Variants in SNTG1 observed in about 807,000 individuals in gnomAD.
The protein encoded by SNTG1 is syntrophin gamma 1.
Under a neutral mutation model 74.7 loss-of-function variants are expected in SNTG1, and 39 were observed. The observed-to-expected ratio is 0.52, with a 90% CI of 0.40 to 0.68. SNTG1 has a LOEUF of 0.68. Among genes scored for constraint, SNTG1 ranks in the 30% least tolerant of loss-of-function variants. The pLI is 0.00. For synonymous variants in SNTG1, 254 were observed against 217.1 expected (o/e 1.17, Z -1.49); for missense variants, 685 against 609.5 (o/e 1.12, Z -1.30).
intron 4 of SNTG1, among the ~76,000 whole-genome samples, chr8:50,429,060 T>C (rs777038178): frequency 1.3e-5 from 2 of 151,656 alleles, no homozygotes; most frequent in Non-Finnish European, 1.5e-5. Context: ...GTTTATATTA[T>C]CATAATAATC....
At chr8:50,671,007 T>C (rs2131343101) in intron 15 of SNTG1, among the ~76,000 whole-genome samples, 1 of 150,772 alleles carries the variant, frequency 6.6e-6, no homozygotes, top group East Asian at 2.0e-4. Flanking sequence ...AAGCTGAAAC[T>C]GGATCCCTTC....
At chr8:50,409,985 A>G (rs1246963729) in intron 4 of SNTG1, among the ~76,000 whole-genome samples, 1 of 152,188 alleles carries the variant, frequency 6.6e-6, no homozygotes, top group Non-Finnish European at 1.5e-5. Context: ...TTTAAAATCA[A>G]CAGAACAACT....
At chr8:50,481,207 C>G (rs1389870646) in intron 8 of SNTG1, among the ~76,000 whole-genome samples, 1 of 152,104 alleles carries the variant, frequency 6.6e-6, no homozygotes, top group Non-Finnish European at 1.5e-5. Flanking sequence ...ATGGTGAAAT[C>G]CCGTCTCTAT....
chr8:50,378,957 T>TGGCAGGG (rs2092435676), intron 2 of SNTG1, among the ~76,000 whole-genome samples: 4 of 152,074 alleles, frequency 2.6e-5, no homozygotes, highest in African/African-American at 7.2e-5. Flanking sequence ...CCCCCAGCCT[T>TGGCAGGG]CAGGCCCTCC....
intron 12 of SNTG1, among the ~76,000 whole-genome samples, chr8:50,590,678 G>A (rs1445103336): frequency 3.9e-5 from 6 of 152,026 alleles, no homozygotes; most frequent in Admixed American, 2.6e-4. Flanking sequence ...GTTTACATAA[G>A]AAGTGTGGGA....
intron 18 of SNTG1, among the ~76,000 whole-genome samples, chr8:50,786,751 T>C (rs2095676490): frequency 6.6e-6 from 1 of 151,904 alleles, no homozygotes; most frequent in South Asian, 2.1e-4. Flanking sequence ...AAGGAACAGG[T>C]TTTTCAACAA....
intron 2 of SNTG1, among the ~76,000 whole-genome samples, chr8:50,366,605 A>G (rs1563947845): frequency 6.7e-6 from 1 of 149,582 alleles, no homozygotes; most frequent in Admixed American, 6.7e-5. Context: ...ATTCTTCCGT[A>G]CTGGTTTTTA....
intron 15 of SNTG1, among the ~76,000 whole-genome samples, chr8:50,693,725 C>T (rs1280051365): frequency 1.3e-5 from 2 of 152,128 alleles, no homozygotes; most frequent in African/African-American, 2.4e-5. Context: ...AGACAAGTCT[C>T]AGCAAATTTA....
intron 1 of SNTG1, among the ~76,000 whole-genome samples, chr8:49,920,773 G>T (rs1417089576): frequency 1.3e-5 from 2 of 152,072 alleles, no homozygotes; most frequent in African/African-American, 2.4e-5. Context: ...GACCAGAGTT[G>T]ATTCTATTGC....
Position 50,228,011 on chromosome 8 carries a change from A to G in SNTG1, c.-28+55376A>G, listed in dbSNP as rs542110318. ...AAATTAAAATAAGAATCAGATTATG[A>G]CACAGATTTTGATATTATCAAATGG... is the stretch of plus-strand genomic sequence containing the variant. On this transcript the variant is annotated intron_variant, in intron 2 of 18. Coordinates refer to ENST00000642720, the MANE Select transcript of SNTG1 (RefSeq NM_018967.5). 6.6e-5 allele frequency among the ~76,000 whole-genome samples: 10 copies of G among 151,708 alleles called. No homozygotes were observed. In the South Asian group the frequency reaches 2.1e-3, roughly 31 times the overall value.
In SNTG1 at chr8:50,569,752, G is replaced by A. The variant is rs148594532; in HGVS notation, c.810+16573G>A. Among the ~76,000 whole-genome samples, 242 of 152,166 alleles carry A rather than the reference G, an allele frequency of 1.6e-3. 1 individual carries two copies. The highest frequency in any genetic ancestry group is 5.6e-3 in the African/African-American group (231 of 41,532). ...GACATTTTCTTCCTTTTTTATAGCC[G>A]CTGACATTTCTGAGTCCTAAAGTCT... On this transcript the variant is annotated intron_variant, in intron 12 of 18. Transcript: ENST00000642720.
chr8:50,183,133 T>A (rs902206981), intron 2 of SNTG1, among the ~76,000 whole-genome samples: 1 of 152,168 alleles, frequency 6.6e-6, no homozygotes, highest in South Asian at 2.1e-4. Flanking sequence ...CCACTACTCC[T>A]TTGCTAGGCA....
intron 1 of SNTG1, among the ~76,000 whole-genome samples, chr8:50,159,169 T>A (rs149168172): frequency 5.3e-4 from 81 of 152,306 alleles, no homozygotes; most frequent in Admixed American, 2.4e-3. Flanking sequence ...TTTTCTTTAT[T>A]GACTTTTAGA....
intron 17 of SNTG1, among the ~76,000 whole-genome samples, chr8:50,723,320 T>A (rs1312988945): frequency 6.6e-6 from 1 of 152,220 alleles, no homozygotes; most frequent in African/African-American, 2.4e-5. Context: ...CCTTTCGACT[T>A]GATCTCTACC....
intron 2 of SNTG1, among the ~76,000 whole-genome samples, chr8:50,222,061 G>A (rs1003856848): frequency 3.9e-5 from 6 of 152,172 alleles, no homozygotes; most frequent in African/African-American, 1.4e-4. Context: ...CCACTTCTGG[G>A]TGAGGGTCAC....
chr8:50,654,027 T>C (rs556634400), intron 13 of SNTG1, among the ~76,000 whole-genome samples: 33 of 152,300 alleles, frequency 2.2e-4, no homozygotes, highest in African/African-American at 7.7e-4. Context: ...CTGTCTTTGG[T>C]TCTCTGAAGA....
chr8:50,682,333 G>A (rs58028555), intron 15 of SNTG1, among the ~76,000 whole-genome samples: 2,281 of 151,988 alleles, frequency 0.015, 46 homozygotes, highest in African/African-American at 0.051. Context: ...GGCGGGGTGG[G>A]TAGTTTGGTG....
intron 1 of SNTG1, among the ~76,000 whole-genome samples, chr8:50,104,292 G>T (rs987245777): frequency 2.0e-5 from 3 of 152,148 alleles, no homozygotes; most frequent in Admixed American, 6.5e-5. Flanking sequence ...AGTCTTGGGA[G>T]GGTGTATGTG....
intron 2 of SNTG1, among the ~76,000 whole-genome samples, chr8:50,277,185 T>G (rs1213445467): frequency 1.3e-5 from 2 of 149,644 alleles, no homozygotes; most frequent in South Asian, 4.2e-4. Context: ...AAGACTCTCT[T>G]GAACTTAGGA....
Sources: gnomAD v4.1 joint callset for allele counts (sites outside exome capture counted in the v4.1 genomes callset) on GRCh38, gnomAD v4.1.1 for gene constraint, MANE v1.5 for transcripts, NCBI Gene and HGNC (gene_info 2026-07-23, HGNC 2026-07-21) for gene names.